The following ANXA11 variants were observed in gnomAD, a reference collection of about 807,000 sequenced individuals.
The protein encoded by ANXA11 is 56 kDa autoantigen.
ANXA11 carries 57 observed loss-of-function variants against 64.7 expected under a neutral mutation model. The observed-to-expected ratio is 0.88, with a 90% CI of 0.71 to 1.10. The LOEUF (loss-of-function observed/expected upper bound fraction) is 1.10, where lower values mean the gene tolerates loss of function less well. Ranked by LOEUF, ANXA11 falls within the 50% of genes least tolerant of loss-of-function variation. The pLI is 0.00. For missense variants in ANXA11, 675 were observed against 670.7 expected (o/e 1.01, Z -0.07); for synonymous variants, 260 against 265.2 (o/e 0.98, Z 0.19).
chr10:80,156,820 C>CT (rs1470619747), intron 15 of ANXA11: 2 of 214,708 alleles, frequency 9.3e-6, no homozygotes, highest in African/African-American at 4.7e-5. Flanking sequence ...CACTAATTCT[C>CT]TAACAACAGC....
chr10:80,183,451 C>T (rs973512302), intron 1 of ANXA11, among the ~76,000 whole-genome samples: 2 of 152,212 alleles, frequency 1.3e-5, no homozygotes, highest in Non-Finnish European at 2.9e-5. Flanking sequence ...AAATCCTAGA[C>T]TTACAGACTC....
rs146364733 is a variant in ANXA11, at chr10:80,164,110, T to C, written c.892A>G (p.Ile298Val). 6.2e-7 allele frequency: 1 copy of C among 1,613,830 alleles called. No individual in the cohort carries two copies. The highest frequency in any genetic ancestry group is 8.5e-7 in the Non-Finnish European group (1 of 1,179,966). Residue 298 changes from isoleucine (I) to valine (V), a missense_variant, in exon 9 of 16, where the codon ATC becomes GTC. Coordinates refer to ENST00000422982, the MANE Select transcript of ANXA11 (RefSeq NM_145868.2). Reference sequence around the variant, plus strand: ...TGCTCATTGCTGCGGGAAGCGAGGATCTCAATCAGGCAGGCTTCATCAGTG... The same window carrying C: ...TGCTCATTGCTGCGGGAAGCGAGGACCTCAATCAGGCAGGCTTCATCAGTG... ...VGTDEACLIE[I>V]LASRSNEHIR...
rs373542492 is a variant in ANXA11, at chr10:80,172,884, G to A, written c.-8-15C>T. Reference sequence around the variant, plus strand: ...CATGGTTAGATCTGGAAGAGAAGACGAAAGCACATTCAGGCTCTGCCTGAG... The same window carrying A: ...CATGGTTAGATCTGGAAGAGAAGACAAAAGCACATTCAGGCTCTGCCTGAG... On this transcript the variant is annotated splice_polypyrimidine_tract_variant and intron_variant, in intron 2 of 15. Transcript: ENST00000422982. 69 of 1,613,070 alleles carry A rather than the reference G, an allele frequency of 4.3e-5. 1 individual carries two copies. Among genetic ancestry groups the A allele is most frequent in the Admixed American group, 5.0e-5 (3 of 59,930 alleles).
chr10:80,188,511 A>ATAT (rs1554834982), intron 1 of ANXA11, among the ~76,000 whole-genome samples: 2 of 126,504 alleles, frequency 1.6e-5, no homozygotes, highest in South Asian at 2.4e-4. Flanking sequence ...ATATATATAT[A>ATAT]GCACTACAAC....
chr10:80,189,454 A>G (rs1456731538), intron 1 of ANXA11, among the ~76,000 whole-genome samples: 2 of 152,270 alleles, frequency 1.3e-5, no homozygotes, highest in African/African-American at 2.4e-5. Flanking sequence ...TGCAGCCACT[A>G]TGGAAAACAG....
At chr10:80,199,322 C>T (rs981632575) in intron 1 of ANXA11, among the ~76,000 whole-genome samples, 4 of 152,120 alleles carry the variant, frequency 2.6e-5, no homozygotes, top group Admixed American at 2.6e-4. Flanking sequence ...TGGTCTCTAT[C>T]TCCTGACCTC....
chr10:80,156,243 A>C (rs1845270772), intron 15 of ANXA11: 2 of 419,842 alleles, frequency 4.8e-6, no homozygotes, highest in Non-Finnish European at 9.1e-6. Flanking sequence ...GCTGCCTTAA[A>C]TTGGGGTTAC....
chr10:80,197,455 G>A (rs1331864443), intron 1 of ANXA11, among the ~76,000 whole-genome samples: 1 of 152,148 alleles, frequency 6.6e-6, no homozygotes, highest in African/African-American at 2.4e-5. Context: ...AGAGAATGGG[G>A]GTTGGCAACC....
intron 4 of ANXA11, among the ~76,000 whole-genome samples, chr10:80,169,875 T>C (rs558939060): frequency 3.3e-5 from 5 of 152,246 alleles, no homozygotes; most frequent in African/African-American, 1.2e-4. Context: ...CTTTCCACTT[T>C]AGCCACACTG....
chr10:80,155,552 T>C lies in ANXA11; in HGVS notation c.*301A>G, dbSNP rs981144487. The C allele has an allele frequency of 8.3e-5, 34 of 407,506 alleles. 1 individual carries two copies. In the East Asian group the frequency reaches 1.4e-3, roughly 16 times the overall value. 25.2% of individuals were successfully genotyped at this position (407,506 alleles called of 1,614,324 possible). A position where few individuals can be genotyped will look rare whatever the true frequency, so the allele number is the denominator to read the frequency against. On this transcript the variant is annotated 3_prime_UTR_variant, in exon 16 of 16. Coordinates refer to ENST00000422982, the MANE Select transcript of ANXA11 (RefSeq NM_145868.2). Reference sequence around the variant, plus strand: ...AAAAATATACAATTACATGACGAAATGAAGCCAAGTCTTAGCCACAGGCAA... The same window carrying C: ...AAAAATATACAATTACATGACGAAACGAAGCCAAGTCTTAGCCACAGGCAA...
In ANXA11 at chr10:80,154,615, G is replaced by A. The variant is rs1183467493; in HGVS notation, c.*1238C>T. On this transcript the variant is annotated 3_prime_UTR_variant, in exon 16 of 16. Coordinates refer to ENST00000422982, the MANE Select transcript of ANXA11 (RefSeq NM_145868.2). Reference sequence around the variant, plus strand: ...GATGCAAGGTAAGCTCTAGCTTCTGGACATGACACCATAATTCTCAGAAAC... The same window carrying A: ...GATGCAAGGTAAGCTCTAGCTTCTGAACATGACACCATAATTCTCAGAAAC... 1 of 152,252 alleles carries A rather than the reference G, an allele frequency of 6.6e-6. No homozygotes were observed. The highest frequency in any genetic ancestry group is 2.4e-5 in the African/African-American group (1 of 41,450). 9.4% of individuals were successfully genotyped at this position (152,252 alleles called of 1,614,324 possible).
chr10:80,205,673 A>G (rs923837263), upstream of ANXA11: 1 of 152,168 alleles, frequency 6.6e-6, no homozygotes, highest in Non-Finnish European at 1.5e-5. Context: ...GAGCTGCTCC[A>G]GGAAGTCTCG....
intron 1 of ANXA11, chr10:80,181,117 C>T (rs1846338941): frequency 6.6e-6 from 1 of 152,186 alleles, no homozygotes; most frequent in Non-Finnish European, 1.5e-5. Flanking sequence ...ATAGTTTAAA[C>T]CAGGCAGGTC....
chr10:80,159,328 T>A, intron 12 of ANXA11, 133 bp from the exon 13 acceptor site: 1 of 697,798 alleles, frequency 1.4e-6, no homozygotes, highest in Non-Finnish European at 2.5e-6. Context: ...GGTAATTAAG[T>A]TAAAACATGC....
chr10:80,177,896 A>G (rs74642876), intron 1 of ANXA11, among the ~76,000 whole-genome samples: 3 of 152,272 alleles, frequency 2.0e-5, no homozygotes, highest in East Asian at 3.9e-4. Context: ...CAAGCTATCC[A>G]TGTTCTAGGA....
At chr10:80,174,106 G>A (rs141103800) in intron 2 of ANXA11, among the ~76,000 whole-genome samples, 2 of 152,290 alleles carry the variant, frequency 1.3e-5, no homozygotes, top group African/African-American at 2.4e-5. Flanking sequence ...CCAGACTGGA[G>A]TGCACTGGCA....
intron 4 of ANXA11, 50 bp from the exon 5 acceptor site, chr10:80,169,408 C>CGTCCCTCCACCCTTTTTCATACCTA (rs1564611130): frequency 6.3e-7 from 1 of 1,590,258 alleles, no homozygotes; most frequent in East Asian, 2.2e-5. Context: ...TGCTGCACTC[C>CGTCCCTCCACCCTTTTTCATACCTA]GTCCCTCCAC....
In ANXA11 at chr10:80,151,547, A is replaced by C. The variant is rs1474399240; in HGVS notation, c.*4306T>G. On this transcript the variant is annotated 3_prime_UTR_variant, in exon 16 of 16. Transcript: ENST00000422982. Reference sequence around the variant, plus strand: ...GGGCAGGAAAGAGCCTACAGCAGAAATAAGGAGCCAGGTCCTAAGGTAGGG... The same window carrying C: ...GGGCAGGAAAGAGCCTACAGCAGAACTAAGGAGCCAGGTCCTAAGGTAGGG... The C allele has an allele frequency of 1.3e-5, 2 of 152,222 alleles. No individual in the cohort carries two copies. Among genetic ancestry groups the C allele is most frequent in the African/African-American group, 4.8e-5 (2 of 41,452 alleles). 9.4% of individuals were successfully genotyped at this position (152,222 alleles called of 1,614,324 possible).
In ANXA11 at chr10:80,172,857, C is replaced by T; in HGVS notation, c.5G>A (p.Ser2Asn). 6.2e-7 allele frequency: 1 copy of T among 1,613,930 alleles called. No homozygotes were observed. The highest frequency in any genetic ancestry group is 8.5e-7 in the Non-Finnish European group (1 of 1,179,920). M[S>N]YPGYPPPPGG... Reference sequence around the variant, plus strand: ...TGGGGGCGGGGGATAGCCAGGGTAGCTCATGGTTAGATCTGGAAGAGAAGA... The same window carrying T: ...TGGGGGCGGGGGATAGCCAGGGTAGTTCATGGTTAGATCTGGAAGAGAAGA... The change falls in exon 3 of 16, where the codon AGC (serine) becomes AAC (asparagine). Residue 2 changes from serine to asparagine, a missense_variant. Transcript: ENST00000422982.
Sources: allele counts gnomAD v4.1 joint callset (sites outside exome capture counted in the v4.1 genomes callset), GRCh38; gene constraint gnomAD v4.1.1; transcripts MANE v1.5; gene names NCBI Gene and HGNC (gene_info 2026-07-23, HGNC 2026-07-21).